The following CAMK4 variants were observed in gnomAD, a reference collection of about 807,000 sequenced individuals.
CAMK4 encodes the protein calcium/calmodulin dependent protein kinase IV.
CAMK4 carries 22 observed loss-of-function variants against 44.9 expected under a neutral mutation model. The ratio of observed to expected loss-of-function variants is 0.49; its 90% CI spans 0.35 to 0.70. CAMK4 has a LOEUF of 0.70. CAMK4 is among the 30% of genes least tolerant of loss of function. The pLI, the probability that CAMK4 is intolerant of heterozygous loss-of-function variation, is 0.01. For synonymous variants in CAMK4, 218 were observed against 215.4 expected (o/e 1.01, Z -0.11); for missense variants, 498 against 586.8 (o/e 0.85, Z 1.56).
chr5:111,419,429 C>A (rs1399942575), intron 5 of CAMK4, among the ~76,000 whole-genome samples: 2 of 152,136 alleles, frequency 1.3e-5, no homozygotes, highest in African/African-American at 4.8e-5. Flanking sequence ...TTTTGCTGTG[C>A]AGAAACTCTT....
intron 1 of CAMK4, among the ~76,000 whole-genome samples, chr5:111,271,065 G>C (rs1441660247): frequency 6.6e-6 from 1 of 152,098 alleles, no homozygotes; most frequent in Non-Finnish European, 1.5e-5. Context: ...ACTATCACAA[G>C]AACAGCATGG....
intron 5 of CAMK4, among the ~76,000 whole-genome samples, chr5:111,414,824 A>G (rs1350492061): frequency 6.6e-6 from 1 of 152,162 alleles, no homozygotes; most frequent in African/African-American, 2.4e-5. Context: ...AATGAATGAG[A>G]CCTGTATAAA....
intron 5 of CAMK4, among the ~76,000 whole-genome samples, chr5:111,415,388 G>A (rs537480870): frequency 1.3e-5 from 2 of 152,246 alleles, no homozygotes; most frequent in East Asian, 3.9e-4. Flanking sequence ...ACTTAATAAT[G>A]TCCCCAAAGT....
At chr5:111,465,108 G>A (rs560594290) in intron 7 of CAMK4, among the ~76,000 whole-genome samples, 21 of 152,150 alleles carry the variant, frequency 1.4e-4, no homozygotes, top group Non-Finnish European at 2.9e-4. Context: ...TTCCTCTACT[G>A]TTTGAATTTC....
At chr5:111,326,815 GA>G (rs1748911021) in intron 1 of CAMK4, among the ~76,000 whole-genome samples, 1 of 151,710 alleles carries the variant, frequency 6.6e-6, no homozygotes, top group Admixed American at 6.6e-5. Context: ...TGAGTCATTG[GA>G]CTGGATTATC....
intron 7 of CAMK4, among the ~76,000 whole-genome samples, chr5:111,458,002 G>C (rs990068453): frequency 1.3e-5 from 2 of 152,192 alleles, no homozygotes; most frequent in African/African-American, 4.8e-5. Context: ...CTGCACACTA[G>C]GGTTCCTGTG....
chr5:111,248,952 A>G (rs1319633322), intron 1 of CAMK4, among the ~76,000 whole-genome samples: 1 of 138,058 alleles, frequency 7.2e-6, no homozygotes, highest in African/African-American at 2.7e-5. Flanking sequence ...GCTACTTCCT[A>G]TTGCGGGGGC....
Position 111,476,878 on chromosome 5 carries a change from G to A in CAMK4, c.702-1503G>A, listed in dbSNP as rs369975406. Among the ~76,000 whole-genome samples, 3 of 152,082 alleles carry A rather than the reference G, an allele frequency of 2.0e-5. No individual in the cohort carries two copies. The East Asian group carries it at 5.8e-4, about 29-fold the overall frequency. On this transcript the variant is annotated intron_variant, in intron 8 of 10. Transcript: ENST00000282356. ...GTCACCTTTTACCTCTGTCACCAAAGCAAAAAGTCACTGATAGGAATGAAA... is the reference window on the plus strand; with the variant it reads ...GTCACCTTTTACCTCTGTCACCAAAACAAAAAGTCACTGATAGGAATGAAA...
intron 5 of CAMK4, chr5:111,416,530 T>C (rs968105351): frequency 6.6e-6 from 1 of 152,190 alleles, no homozygotes; most frequent in Admixed American, 6.5e-5. Context: ...CCAAGATACA[T>C]AGAACCTCAA....
At chr5:111,402,995 C>T (rs1039539289) in intron 5 of CAMK4, among the ~76,000 whole-genome samples, 1 of 152,092 alleles carries the variant, frequency 6.6e-6, no homozygotes, top group African/African-American at 2.4e-5. Context: ...GATACTGAAC[C>T]GTTTTTTCAA....
chr5:111,401,917 A>G (rs1472571571), intron 5 of CAMK4, among the ~76,000 whole-genome samples: 1 of 152,202 alleles, frequency 6.6e-6, no homozygotes, highest in Non-Finnish European at 1.5e-5. Context: ...ATTTCCCATG[A>G]AGCTGGACCT....
intron 1 of CAMK4, among the ~76,000 whole-genome samples, chr5:111,240,120 G>T (rs192107730): frequency 3.3e-5 from 5 of 152,116 alleles, no homozygotes; most frequent in Non-Finnish European, 5.9e-5. Context: ...TTCTAAAAGG[G>T]TGTTAGAAAA....
At chr5:111,465,804 A>AC (rs2112474518) in intron 7 of CAMK4, among the ~76,000 whole-genome samples, 1 of 152,356 alleles carries the variant, frequency 6.6e-6, no homozygotes, top group South Asian at 2.1e-4. Context: ...AATCCTATTG[A>AC]CACTATTCCA....
rs552118407 is a variant in CAMK4, at chr5:111,436,018, T to G, written c.460-10668T>G. Among the ~76,000 whole-genome samples, 243 of 152,318 alleles carry G rather than the reference T, an allele frequency of 1.6e-3. 1 individual carries two copies. The highest frequency in any genetic ancestry group is 5.4e-3 in the African/African-American group (226 of 41,568). The stretch of plus-strand genomic sequence containing the variant: ...TCCTGTCAGCATGAAATTTGTCTGT[T>G]TATATCTAGACACCTAGCTTTTTCT... On this transcript the variant is annotated intron_variant, in intron 5 of 10. Coordinates refer to ENST00000282356, the MANE Select transcript of CAMK4 (RefSeq NM_001744.6).
At chr5:111,384,361 T>A (rs1465191121) in intron 4 of CAMK4, among the ~76,000 whole-genome samples, 1 of 152,192 alleles carries the variant, frequency 6.6e-6, no homozygotes, top group Non-Finnish European at 1.5e-5. Flanking sequence ...TCCCTCTTGA[T>A]CTCTTTCCTG....
chr5:111,270,833 A>T lies in CAMK4; in HGVS notation c.161+46189A>T, dbSNP rs893898485. Reference sequence around the variant, plus strand: ...AATATTTGCCGAATGAGTGTATTAGACCATTCTCACACTGCTATAAAGTTA... The same window carrying T: ...AATATTTGCCGAATGAGTGTATTAGTCCATTCTCACACTGCTATAAAGTTA... On this transcript the variant is annotated intron_variant, in intron 1 of 10. Transcript: ENST00000282356. 8.5e-5 allele frequency among the ~76,000 whole-genome samples: 13 copies of T among 152,310 alleles called. 1 individual carries two copies. Among genetic ancestry groups the T allele is most frequent in the South Asian group, 4.1e-4 (2 of 4,826 alleles).
At chr5:111,448,242 C>G (rs777835387) in intron 6 of CAMK4, among the ~76,000 whole-genome samples, 5 of 151,952 alleles carry the variant, frequency 3.3e-5, no homozygotes, top group Non-Finnish European at 5.9e-5. Context: ...GGATTCTTAC[C>G]AAAAAAATCT....
rs370292703 is a variant in CAMK4 at position 111,370,336 on chromosome 5, T to A, written c.241-4514T>A. 1.2e-3 allele frequency among the ~76,000 whole-genome samples: 184 copies of A among 152,226 alleles called. 5 individuals are homozygous for A. The South Asian group carries it at 0.036, about 30-fold the overall frequency. ...AATATGTAATATGCCCTATACAACATGGTAATAGGTAAATTTGTTCAGAAT... is the reference window on the plus strand; with the variant it reads ...AATATGTAATATGCCCTATACAACAAGGTAATAGGTAAATTTGTTCAGAAT... On this transcript the variant is annotated intron_variant, in intron 2 of 10. Coordinates refer to ENST00000282356, the MANE Select transcript of CAMK4 (RefSeq NM_001744.6).
chr5:111,474,782 G>T (rs2112490007), intron 8 of CAMK4, among the ~76,000 whole-genome samples: 2 of 152,286 alleles, frequency 1.3e-5, no homozygotes, highest in Middle Eastern at 6.8e-3. Context: ...AGACAGAAAG[G>T]TTTAACAAGC....
Sources: gnomAD v4.1 joint callset for allele counts (sites outside exome capture counted in the v4.1 genomes callset) on GRCh38, gnomAD v4.1.1 for gene constraint, MANE v1.5 for transcripts, NCBI Gene and HGNC (gene_info 2026-07-23, HGNC 2026-07-21) for gene names.